The following TMEM132B variants were observed in gnomAD, a reference collection of about 807,000 sequenced individuals.
The protein encoded by TMEM132B is transmembrane protein 132B.
Under a neutral mutation model 90.8 loss-of-function variants are expected in TMEM132B, and 18 were observed. That is an observed-to-expected ratio of 0.20 (90% CI 0.14 to 0.29). The LOEUF is 0.29. Among genes scored for constraint, TMEM132B ranks in the 10% least tolerant of loss-of-function variants. The pLI is 1.00. For synonymous variants in TMEM132B, 504 were observed against 523.3 expected (o/e 0.96, Z 0.50); for missense variants, 1,096 against 1,326.8 (o/e 0.83, Z 2.70).
At chr12:125,211,655 C>T (rs189951346) in intron 1 of TMEM132B, among the ~76,000 whole-genome samples, 21 of 152,344 alleles carry the variant, frequency 1.4e-4, no homozygotes, top group African/African-American at 4.1e-4. Context: ...ATGCACATTG[C>T]GACCGCCCTC....
intron 2 of TMEM132B, among the ~76,000 whole-genome samples, chr12:125,351,444 TG>T (rs1202385956): frequency 6.6e-6 from 1 of 152,126 alleles, no homozygotes; most frequent in East Asian, 1.9e-4. Flanking sequence ...TCTTTAAGGA[TG>T]AGTGGAATAC....
chr12:125,217,071 A>G (rs1483686156), intron 1 of TMEM132B, among the ~76,000 whole-genome samples: 1 of 152,236 alleles, frequency 6.6e-6, no homozygotes, highest in South Asian at 2.1e-4. Flanking sequence ...TTCATCTGGA[A>G]GAGTTTTTCA....
chr12:125,483,252 A>C (rs996721590), intron 3 of TMEM132B, among the ~76,000 whole-genome samples: 20 of 152,186 alleles, frequency 1.3e-4, no homozygotes, highest in African/African-American at 4.3e-4. Context: ...AATAAAAAAA[A>C]CATTAACAAT....
intron 3 of TMEM132B, among the ~76,000 whole-genome samples, chr12:125,496,617 T>C (rs10846902): frequency 0.47 from 70,797 of 151,912 alleles, 16,788 homozygotes; most frequent in Middle Eastern, 0.62. Flanking sequence ...GCAAATGCGG[T>C]GCATTGGCTA....
chr12:125,597,805 G>T (rs1427171634), intron 5 of TMEM132B, among the ~76,000 whole-genome samples: 1 of 152,156 alleles, frequency 6.6e-6, no homozygotes, highest in Non-Finnish European at 1.5e-5. Flanking sequence ...TCAGATAACA[G>T]AAATATTTTC....
chr12:125,296,143 C>A (rs536263173), intron 1 of TMEM132B, among the ~76,000 whole-genome samples: 4 of 152,340 alleles, frequency 2.6e-5, no homozygotes, highest in South Asian at 2.1e-4. Context: ...CACACCTTAT[C>A]TCATTCCGAT....
chr12:125,220,718 G>T (rs1442284058), intron 1 of TMEM132B, among the ~76,000 whole-genome samples: 1 of 152,222 alleles, frequency 6.6e-6, no homozygotes, highest in Non-Finnish European at 1.5e-5. Context: ...TGATCTTCCT[G>T]CCTCTACCCT....
intron 4 of TMEM132B, among the ~76,000 whole-genome samples, chr12:125,569,764 C>T (rs1353921191): frequency 6.6e-6 from 1 of 152,144 alleles, no homozygotes; most frequent in South Asian, 2.1e-4. Flanking sequence ...ACCAACCCCC[C>T]CATCTCTCTG....
Position 125,251,828 on chromosome 12 carries a change from G to A in TMEM132B, c.67+64962G>A, listed in dbSNP as rs188852013. On this transcript the variant is annotated intron_variant, in intron 1 of 8. Coordinates refer to ENST00000682704, the MANE Select transcript of TMEM132B (RefSeq NM_001366854.1). This position sits in a 1 kb window ranked among gnomAD's most constrained non-coding sequence, Gnocchi z 4.4. Reference sequence around the variant, plus strand: ...ATGTGAAATTTCCCAAGTTTATAACGTTAATAATCATAATTTTAAAAATAT... The same window carrying A: ...ATGTGAAATTTCCCAAGTTTATAACATTAATAATCATAATTTTAAAAATAT... Among the ~76,000 whole-genome samples, 36 of 152,290 alleles carry A rather than the reference G, an allele frequency of 2.4e-4. 1 individual carries two copies. The East Asian group carries it at 5.8e-3, about 24-fold the overall frequency.
At chr12:125,563,598 CA>C (rs77003788) in intron 4 of TMEM132B, among the ~76,000 whole-genome samples, 1 of 150,180 alleles carries the variant, frequency 6.7e-6, no homozygotes, top group African/African-American at 2.5e-5. Flanking sequence ...AACAAACAAA[CA>C]AAAAAAAACC....
chr12:125,562,466 C>T (rs913121043), intron 4 of TMEM132B, among the ~76,000 whole-genome samples: 2 of 152,240 alleles, frequency 1.3e-5, no homozygotes, highest in Non-Finnish European at 2.9e-5. Context: ...CCAAAGGCCT[C>T]TCTTTTGGCC....
intron 2 of TMEM132B, among the ~76,000 whole-genome samples, chr12:125,385,035 C>T (rs533223021): frequency 8.3e-4 from 126 of 152,318 alleles, no homozygotes; most frequent in African/African-American, 2.8e-3. Context: ...CTACTCCCTA[C>T]TTCTATGAAT....
chr12:125,562,575 G>A (rs1884560552), intron 4 of TMEM132B, among the ~76,000 whole-genome samples: 1 of 152,146 alleles, frequency 6.6e-6, no homozygotes, highest in South Asian at 2.1e-4. Flanking sequence ...TAAACACTTA[G>A]AGGCCATTGT....
intron 2 of TMEM132B, among the ~76,000 whole-genome samples, chr12:125,385,377 G>C (rs1012835052): frequency 1.3e-5 from 2 of 152,164 alleles, no homozygotes; most frequent in Non-Finnish European, 1.5e-5. Context: ...CTGATTTTGG[G>C]AGGAGGTTAG....
At chr12:125,282,051 AAAAAAAAAAG>A (rs751165319) in intron 1 of TMEM132B, among the ~76,000 whole-genome samples, 17,786 of 71,348 alleles carry the variant, frequency 0.25, 3,209 homozygotes, top group African/African-American at 0.31. Flanking sequence ...AAAAAAAAAA[AAAAAAAAAAG>A]AGAGACTTTT....
intron 3 of TMEM132B, among the ~76,000 whole-genome samples, chr12:125,444,360 C>T (rs992493956): frequency 6.6e-6 from 1 of 152,058 alleles, no homozygotes; most frequent in African/African-American, 2.4e-5. Context: ...TCTCTCCTGT[C>T]TTTCTTTTGG....
chr12:125,427,629 T>C (rs563728069), intron 3 of TMEM132B, among the ~76,000 whole-genome samples: 6 of 152,228 alleles, frequency 3.9e-5, no homozygotes, highest in Non-Finnish European at 7.3e-5. Context: ...CTCCCCCAGA[T>C]TCCTGATTTC....
At chr12:125,339,606 A>G (rs1479165526) in intron 1 of TMEM132B, among the ~76,000 whole-genome samples, 6 of 152,212 alleles carry the variant, frequency 3.9e-5, no homozygotes, top group Admixed American at 1.3e-4. Context: ...CAAAAAGGCA[A>G]CTGCTCTCTA....
At chr12:125,270,223 A>G (rs7304163) in intron 1 of TMEM132B, among the ~76,000 whole-genome samples, 61,338 of 150,874 alleles carry the variant, frequency 0.41, 12,999 homozygotes, top group African/African-American at 0.52. Flanking sequence ...TGCAGCCTCG[A>G]ACTCCTACGC....
Sources: allele counts gnomAD v4.1 joint callset (sites outside exome capture counted in the v4.1 genomes callset), GRCh38; gene constraint gnomAD v4.1.1; non-coding constraint Gnocchi (gnomAD v3.1); transcripts MANE v1.5; gene names NCBI Gene and HGNC (gene_info 2026-07-23, HGNC 2026-07-21).